PLD1: variants seen among roughly 807,000 people sequenced by gnomAD.
PLD1 encodes the protein phospholipase D1, also known as choline phosphatase 1.
Under a neutral mutation model 137.1 loss-of-function variants are expected in PLD1, and 112 were observed. The ratio of observed to expected loss-of-function variants is 0.82; its 90% CI spans 0.70 to 0.96. The LOEUF is 0.96. Among genes scored for constraint, PLD1 ranks in the 40% least tolerant of loss-of-function variants. PLD1 has a pLI of 0.00. For missense variants in PLD1, 1,321 were observed against 1,342.0 expected, an observed-to-expected ratio of 0.98 and a Z score of 0.24; for synonymous variants, 431 against 454.7, an observed-to-expected ratio of 0.95 and a Z score of 0.66.
chr3:171,619,718 A>T (rs1204396139), intron 24 of PLD1, among the ~76,000 whole-genome samples: 2 of 152,154 alleles, frequency 1.3e-5, no homozygotes, highest in Non-Finnish European at 2.9e-5. Flanking sequence ...CAAGGTACTC[A>T]CTTATGACAC....
At chr3:171,639,564 AT>A (rs1407045282) in intron 23 of PLD1, among the ~76,000 whole-genome samples, 2 of 72,634 alleles carry the variant, frequency 2.8e-5, no homozygotes, top group Non-Finnish European at 5.1e-5. Flanking sequence ...TATAATATAT[AT>A]TATATATAAT....
intron 1 of PLD1, among the ~76,000 whole-genome samples, chr3:171,777,271 C>A (rs1722622039): frequency 6.6e-6 from 1 of 152,122 alleles, no homozygotes; most frequent in Non-Finnish European, 1.5e-5. Flanking sequence ...GAAAAGAGTT[C>A]AAAATTGGTT....
chr3:171,790,376 G>C (rs925022223), intron 1 of PLD1, among the ~76,000 whole-genome samples: 25 of 152,170 alleles, frequency 1.6e-4, no homozygotes, highest in Non-Finnish European at 2.9e-4. Context: ...AACCCTGACT[G>C]ATTCATGATG....
intron 23 of PLD1, among the ~76,000 whole-genome samples, chr3:171,640,718 C>T (rs1735660507): frequency 6.6e-6 from 1 of 152,168 alleles, no homozygotes; most frequent in Admixed American, 6.5e-5. Flanking sequence ...CCTTCTCAAT[C>T]CTTTCCTGAG....
At position 171,639,848 on chromosome 3, in the gene PLD1, C is replaced by CTCTCTCTCTA. The variant is rs3050415; in HGVS notation, c.2593+2991_2593+2992insTAGAGAGAGA. On this transcript the variant is annotated intron_variant, in intron 23 of 26. Transcript: ENST00000351298. Reference sequence around the variant, plus strand: ...TCTCTCTCTCTCTCTCTCTCTCTCTCTATATATATATATATATCTCCTATT... The same window carrying CTCTCTCTCTA: ...TCTCTCTCTCTCTCTCTCTCTCTCTCTCTCTCTCTATATATATATATATATATCTCCTATT... Among the ~76,000 whole-genome samples, 81 of 110,184 alleles carry CTCTCTCTCTA rather than the reference C, an allele frequency of 7.4e-4. No homozygotes were observed. In the East Asian group the frequency reaches 8.1e-3, roughly 11 times the overall value. The allele number at this position is 110,184 out of a possible 152,430, so 72.3% of individuals were successfully genotyped here. A position where few individuals can be genotyped will look rare whatever the true frequency, so the allele number is the denominator to read the frequency against.
At chr3:171,646,663 A>G (rs1020848556) in intron 21 of PLD1, among the ~76,000 whole-genome samples, 4 of 150,064 alleles carry the variant, frequency 2.7e-5, no homozygotes, top group Non-Finnish European at 5.9e-5. Context: ...CAGGATAGCG[A>G]AAAAGAACAG....
At chr3:171,804,876 G>A (rs1723786167) in intron 1 of PLD1, among the ~76,000 whole-genome samples, 1 of 152,230 alleles carries the variant, frequency 6.6e-6, no homozygotes, top group Non-Finnish European at 1.5e-5. Context: ...AATTGACAAA[G>A]GTATTAGCTC....
At position 171,737,533 on chromosome 3, in the gene PLD1, CTTG is replaced by C; in HGVS notation, c.284_286del (p.Thr95del). The C allele has an allele frequency of 1.9e-6, 3 of 1,606,488 alleles. No individual in the cohort carries two copies. The highest frequency in any genetic ancestry group is 1.7e-4 in the Middle Eastern group (1 of 6,008). On this transcript the variant is annotated inframe_deletion and splice_region_variant, in exon 3 of 27. Transcript: ENST00000351298. ...GGGTGAGTCCATAAACGCTCTGACC[CTTG>C]TTGTAGATGTGAAGCGTTCCACTTC...
chr3:171,694,343 C>A (rs1715486933), intron 12 of PLD1, among the ~76,000 whole-genome samples: 1 of 151,978 alleles, frequency 6.6e-6, no homozygotes, highest in African/African-American at 2.4e-5. Context: ...CTATTACAAT[C>A]AAGAATATAA....
At chr3:171,722,036 T>C (rs867012276) in intron 8 of PLD1, among the ~76,000 whole-genome samples, 20 of 152,308 alleles carry the variant, frequency 1.3e-4, no homozygotes, top group Middle Eastern at 3.4e-3. Context: ...AACACATTTA[T>C]CATTTTCAAT....
chr3:171,785,041 C>T (rs1320221562), intron 1 of PLD1, among the ~76,000 whole-genome samples: 1 of 152,196 alleles, frequency 6.6e-6, no homozygotes, highest in Non-Finnish European at 1.5e-5. Context: ...CTCTGAAGTA[C>T]AGACAGAGTA....
At chr3:171,687,245 C>G (rs1486042049) in intron 15 of PLD1, 126 bp downstream of exon 15, 31 of 728,690 alleles carry the variant, frequency 4.3e-5, no homozygotes, top group Non-Finnish European at 6.4e-5. Flanking sequence ...AATGATATAG[C>G]GACCTCTCAA....
At chr3:171,689,555 T>A (rs539269693) in intron 13 of PLD1, among the ~76,000 whole-genome samples, 1 of 152,074 alleles carries the variant, frequency 6.6e-6, no homozygotes, top group Non-Finnish European at 1.5e-5. Context: ...GGCTGGAGTG[T>A]AGACACGTGA....
intron 11 of PLD1, among the ~76,000 whole-genome samples, chr3:171,706,998 G>A (rs1560236358): frequency 6.6e-6 from 1 of 152,194 alleles, no homozygotes; most frequent in Non-Finnish European, 1.5e-5. Flanking sequence ...AAAAAAGAAT[G>A]AGATCATGTC....
At chr3:171,676,669 C>T in intron 18 of PLD1, 46 bp downstream of exon 18, 8 of 1,440,138 alleles carry the variant, frequency 5.6e-6, no homozygotes, top group Non-Finnish European at 7.8e-6. Flanking sequence ...CTAGTTAGGC[C>T]TGCCTCTCTT....
At chr3:171,674,037 T>C (rs1216497472) in intron 19 of PLD1, among the ~76,000 whole-genome samples, 1 of 152,226 alleles carries the variant, frequency 6.6e-6, no homozygotes, top group Non-Finnish European at 1.5e-5. Context: ...ATGGTTAAAC[T>C]GGATGTGGTA....
At chr3:171,704,937 C>T (rs1716555290) in intron 11 of PLD1, among the ~76,000 whole-genome samples, 1 of 152,302 alleles carries the variant, frequency 6.6e-6, no homozygotes, top group South Asian at 2.1e-4. Context: ...GCCTAGATTC[C>T]TCACATGCGT....
At chr3:171,665,208 T>A (rs1711989283) in intron 19 of PLD1, among the ~76,000 whole-genome samples, 1 of 152,208 alleles carries the variant, frequency 6.6e-6, no homozygotes, top group African/African-American at 2.4e-5. Context: ...AGTGGCTTCC[T>A]GGACAGCTGG....
chr3:171,709,783 A>AT, intron 9 of PLD1, 74 bp from the exon 10 acceptor site: 3 of 1,309,464 alleles, frequency 2.3e-6, no homozygotes, highest in Non-Finnish European at 3.1e-6. Context: ...ATTTGGTAAT[A>AT]TACCAAACAC....
Sources: allele counts gnomAD v4.1 joint callset (sites outside exome capture counted in the v4.1 genomes callset), GRCh38; gene constraint gnomAD v4.1.1; transcripts MANE v1.5; gene names NCBI Gene and HGNC (gene_info 2026-07-23, HGNC 2026-07-21).